SEMA3G: variants seen among roughly 807,000 people sequenced by gnomAD.
SEMA3G encodes the protein semaphorin 3G.
Under a neutral mutation model 86.2 loss-of-function variants are expected in SEMA3G, and 70 were observed. That is an observed-to-expected ratio of 0.81 (90% CI 0.67 to 0.99). SEMA3G has a LOEUF of 0.99. SEMA3G is among the 50% of genes least tolerant of loss of function. The pLI, the probability that SEMA3G is intolerant of heterozygous loss-of-function variation, is 0.00. For missense variants in SEMA3G, 1,002 were observed against 1,072.4 expected (o/e 0.93, Z 0.92); for synonymous variants, 416 against 441.4 (o/e 0.94, Z 0.72).
chr3:52,438,873 G>A (rs776194866), intron 13 of SEMA3G, 47 bp downstream of exon 13: 16 of 1,609,572 alleles, frequency 9.9e-6, no homozygotes, highest in Non-Finnish European at 1.2e-5. Flanking sequence ...AGGCTGCGGA[G>A]CAGGGGCAGA....
At position 52,440,943 on chromosome 3, in the gene SEMA3G, C is replaced by G; in HGVS notation, c.919G>C (p.Asp307His). ...TTGGCCAGGCCCTCACCTAGCTGGTCAAAGTGGGTCTCGGCACCACCAGGG... is the reference window on the plus strand; with the variant it reads ...TTGGCCAGGCCCTCACCTAGCTGGTGAAAGTGGGTCTCGGCACCACCAGGG... The part of the protein sequence containing the change: ...PGPGGAETHF[D>H]QLEDVFLLWP... Residue 307 changes from aspartate (D) to histidine (H), a missense_variant, in exon 8 of 16, where the codon GAC becomes CAC. By Grantham distance (81) the Asp-to-His change is moderately conservative. Coordinates refer to ENST00000231721, the MANE Select transcript of SEMA3G (RefSeq NM_020163.3). 1 of 1,604,780 alleles carries G rather than the reference C, an allele frequency of 6.2e-7. No individual in the cohort carries two copies. The highest frequency in any genetic ancestry group is 2.2e-5 in the East Asian group (1 of 44,852).
intron 1 of SEMA3G, chr3:52,443,184 A>G (rs1706193366): frequency 3.1e-6 from 2 of 655,620 alleles, no homozygotes; most frequent in South Asian, 3.2e-5. Context: ...ACATCTTCCC[A>G]CTGTCCCATC....
At chr3:52,437,096 CAGA>C (rs1706060792) in intron 15 of SEMA3G, among the ~76,000 whole-genome samples, 2 of 152,158 alleles carry the variant, frequency 1.3e-5, no homozygotes, top group South Asian at 4.1e-4. Context: ...GTTAGGGACC[CAGA>C]AGGTTCTCTT....
At chr3:52,439,622 C>G in intron 12 of SEMA3G, 58 bp downstream of exon 12, 1 of 1,443,958 alleles carries the variant, frequency 6.9e-7, no homozygotes, top group Non-Finnish European at 9.7e-7. Context: ...ATCCCTGTAG[C>G]CAGGCTCAGA....
intron 15 of SEMA3G, 143 bp downstream of exon 15, chr3:52,437,384 C>T (rs1258170579): frequency 2.3e-6 from 2 of 864,544 alleles, no homozygotes; most frequent in Non-Finnish European, 3.5e-6. Flanking sequence ...TCTAGGCACC[C>T]CAGGAGCCTA....
At chr3:52,437,102 G>T (rs1237995416) in intron 15 of SEMA3G, among the ~76,000 whole-genome samples, 1 of 152,150 alleles carries the variant, frequency 6.6e-6, no homozygotes, top group African/African-American at 2.4e-5. Flanking sequence ...GACCCAGAAG[G>T]TTCTCTTCTG....
Position 52,433,999 on chromosome 3 carries a change from A to G in SEMA3G, c.*1604T>C, listed in dbSNP as rs913571790. The G allele has an allele frequency of 1.1e-4, 16 of 152,280 alleles. No homozygotes were observed. Among genetic ancestry groups the G allele is most frequent in the African/African-American group, 3.8e-4 (16 of 41,574 alleles). 9.4% of individuals were successfully genotyped at this position (152,280 alleles called of 1,614,324 possible). ...AAGGGGAGAACGGAGGGACTATTTC[A>G]GGTCCCAGTTCTCTGGAGGTGCCAG... is the stretch of plus-strand genomic sequence containing the variant. On this transcript the variant is annotated 3_prime_UTR_variant, in exon 16 of 16. Transcript: ENST00000231721.
At position 52,444,898 on chromosome 3, in the gene SEMA3G, C is replaced by T. The variant is rs114942616; in HGVS notation, c.115+15G>A. 44,240 of 1,301,834 alleles carry T rather than the reference C, an allele frequency of 0.034. 900 individuals carry two copies. The highest frequency in any genetic ancestry group is 0.04 in the Non-Finnish European group (40,849 of 1,019,342). The allele number at this position is 1,301,834 out of a possible 1,614,324, so 80.6% of individuals were successfully genotyped here. ...AGGGCACATGCACACAAACAGGGCACGCAGGGGCTGGTACCTCGGTAGGAG... is the reference window on the plus strand; with the variant it reads ...AGGGCACATGCACACAAACAGGGCATGCAGGGGCTGGTACCTCGGTAGGAG... On this transcript the variant is annotated intron_variant, in intron 1 of 15. Coordinates refer to ENST00000231721, the MANE Select transcript of SEMA3G (RefSeq NM_020163.3).
In SEMA3G at chr3:52,435,722, G is replaced by A. The variant is rs371297669; in HGVS notation, c.2230C>T (p.Arg744Trp). 40 of 1,614,030 alleles carry A rather than the reference G, an allele frequency of 2.5e-5. No individual in the cohort carries two copies. Among genetic ancestry groups the A allele is most frequent in the African/African-American group, 1.7e-4 (13 of 75,054 alleles). The change falls in exon 16 of 16, where the codon CGG becomes TGG. Residue 744 changes from arginine (R) to tryptophan (W), a missense_variant. By Grantham distance (101) the Arg-to-Trp change is moderately radical (BLOSUM62 -3). Transcript: ENST00000231721. ...CCCCTGGCCTGCTTGCCCCGGCTCC[G>A]GCTCCGGAAGCAGCCTGAGCATTCC... ...TTECSGCFRS[R>W]SRGKQARGKS...
In SEMA3G at chr3:52,439,981, G is replaced by A. The variant is rs150788053; in HGVS notation, c.1261C>T (p.Arg421Ter). The A allele has an allele frequency of 3.8e-5, 62 of 1,613,598 alleles. No homozygotes were observed. Among genetic ancestry groups the A allele is most frequent in the Middle Eastern group, 3.3e-4 (2 of 6,080 alleles). The change falls in exon 11 of 16, where the codon CGA becomes TGA. Residue 421 changes from arginine (R) to a stop codon, truncating the protein, a stop_gained. Coordinates refer to ENST00000231721, the MANE Select transcript of SEMA3G (RefSeq NM_020163.3). LOFTEE classifies it high-confidence loss of function. ...HPLMFWPVRPRHGRPVLVKTH... is the reference protein window; with the variant it reads ...HPLMFWPVRP ...TTGACAAGGACAGGGCGGCCATGTC[G>A]AGGCCGCACAGGCCAGAACATGAGG...
At position 52,439,631 on chromosome 3, in the gene SEMA3G, G is replaced by A. The variant is rs375007423; in HGVS notation, c.1467+49C>T. ...TCCTGCATCCCTGTAGCCAGGCTCA[G>A]ACCCAGAGATGGGGCTTGGAGGGAC... On this transcript the variant is annotated intron_variant, in intron 12 of 15. Transcript: ENST00000231721. The A allele has an allele frequency of 4.7e-5, 71 of 1,502,630 alleles. No individual in the cohort carries two copies. The African/African-American group carries it at 6.9e-4, about 15-fold the overall frequency. The allele number at this position is 1,502,630 out of a possible 1,614,324, so 93.1% of individuals were successfully genotyped here.
intron 1 of SEMA3G, among the ~76,000 whole-genome samples, chr3:52,443,626 T>C (rs1027251447): frequency 6.6e-6 from 1 of 152,152 alleles, no homozygotes; most frequent in Non-Finnish European, 1.5e-5. Context: ...CAGAGTGTCC[T>C]ATGCCTTCCC....
At chr3:52,436,671 A>C (rs1432794285) in intron 15 of SEMA3G, among the ~76,000 whole-genome samples, 1 of 152,220 alleles carries the variant, frequency 6.6e-6, no homozygotes, top group African/African-American at 2.4e-5. Flanking sequence ...CAGCGTGGGA[A>C]GTGGGAGTGC....
intron 1 of SEMA3G, among the ~76,000 whole-genome samples, chr3:52,444,330 C>A (rs1706217799): frequency 6.6e-6 from 1 of 152,128 alleles, no homozygotes; most frequent in South Asian, 2.1e-4. Context: ...CTCCCACCGC[C>A]ACCCTGGTCC....
In SEMA3G at chr3:52,435,399, T is replaced by G; in HGVS notation, c.*204A>C. The G allele has an allele frequency of 1.7e-6, 1 of 596,718 alleles. No homozygotes were observed. Among genetic ancestry groups the G allele is most frequent in the East Asian group, 2.8e-5 (1 of 35,512 alleles). 37.0% of individuals were successfully genotyped at this position (596,718 alleles called of 1,614,324 possible). A position where few individuals can be genotyped will look rare whatever the true frequency, so the allele number is the denominator to read the frequency against. On this transcript the variant is annotated 3_prime_UTR_variant, in exon 16 of 16. Transcript: ENST00000231721. ...AGAGGGTGCTGGCTCCAGCTGGGTC[T>G]AAGAGCACAGAGAAGGGCAGGGAAC...
At chr3:52,436,206 A>G in intron 15 of SEMA3G, 133 bp from the exon 16 acceptor site, 1 of 1,437,350 alleles carries the variant, frequency 7.0e-7, no homozygotes, top group Non-Finnish European at 9.1e-7. Context: ...CCTTCCCAGG[A>G]GGGGACCAGC....
chr3:52,441,519 T>C (rs1225812046), intron 6 of SEMA3G, 55 bp downstream of exon 6: 2 of 1,584,400 alleles, frequency 1.3e-6, no homozygotes, highest in Non-Finnish European at 1.7e-6. Flanking sequence ...GAGGCTGGTG[T>C]CCTAGCTGGG....
At chr3:52,444,258 A>G (rs1021475142) in intron 1 of SEMA3G, among the ~76,000 whole-genome samples, 4 of 151,608 alleles carry the variant, frequency 2.6e-5, no homozygotes, top group Admixed American at 1.3e-4. Flanking sequence ...TCTCCTCCCC[A>G]TCTTTATTGA....
chr3:52,438,974 A>G lies in SEMA3G; in HGVS notation c.1468-13T>C, dbSNP rs1386731092. On this transcript the variant is annotated splice_polypyrimidine_tract_variant and intron_variant, in intron 12 of 15. Transcript: ENST00000231721. ...TAGGTGTTGGCACCTGGGGAAGGAG[A>G]AGGGTCTCAGTGTGGGTCGGGTGGA... The G allele has an allele frequency of 1.2e-6, 2 of 1,612,840 alleles. No individual in the cohort carries two copies. Among genetic ancestry groups the G allele is most frequent in the South Asian group, 1.1e-5 (1 of 90,946 alleles).
Sources: gnomAD v4.1 joint callset for allele counts (sites outside exome capture counted in the v4.1 genomes callset) on GRCh38, gnomAD v4.1.1 for gene constraint, MANE v1.5 for transcripts, NCBI Gene and HGNC (gene_info 2026-07-23, HGNC 2026-07-21) for gene names.